Variants in DDC observed in about 807,000 individuals in gnomAD.
DDC encodes aromatic-L-amino-acid decarboxylase.
DDC carries 43 observed loss-of-function variants against 60.0 expected under a neutral mutation model. That is an observed-to-expected ratio of 0.72 (90% CI 0.56 to 0.92). DDC has a LOEUF of 0.92. Ranked by LOEUF, DDC falls within the 40% of genes least tolerant of loss-of-function variation. The pLI is 0.00. For missense variants in DDC, 573 were observed against 620.2 expected (o/e 0.92, Z 0.81); for synonymous variants, 232 against 234.6 (o/e 0.99, Z 0.10).
intron 7 of DDC, among the ~76,000 whole-genome samples, chr7:50,499,674 G>A (rs994401982): frequency 3.3e-5 from 5 of 152,066 alleles, no homozygotes; most frequent in African/African-American, 1.2e-4. Context: ...CACAGTCCAC[G>A]CTGACCTCTA....
At chr7:50,470,798 C>T (rs760173700) in intron 11 of DDC, among the ~76,000 whole-genome samples, 7 of 152,192 alleles carry the variant, frequency 4.6e-5, no homozygotes, top group African/African-American at 1.2e-4. Flanking sequence ...GTCAGTTGAC[C>T]GGCCCCCACA....
intron 6 of DDC, among the ~76,000 whole-genome samples, chr7:50,505,365 T>C (rs922651753): frequency 1.3e-5 from 2 of 152,246 alleles, no homozygotes; most frequent in Non-Finnish European, 2.9e-5. Flanking sequence ...TCATGCAGTC[T>C]AGATAATGAA....
chr7:50,520,021 T>C (rs2043848882), intron 6 of DDC, among the ~76,000 whole-genome samples: 1 of 152,192 alleles, frequency 6.6e-6, no homozygotes. Context: ...TTTTCACAGT[T>C]ACTATATTAT....
At chr7:50,539,579 T>C (rs774291415) in intron 3 of DDC, among the ~76,000 whole-genome samples, 6 of 152,158 alleles carry the variant, frequency 3.9e-5, no homozygotes, top group Non-Finnish European at 8.8e-5. Flanking sequence ...TTGGAGGATA[T>C]AGAAATTCTC....
chr7:50,465,761 A>G (rs2042381111), intron 13 of DDC, among the ~76,000 whole-genome samples: 2 of 152,272 alleles, frequency 1.3e-5, no homozygotes, highest in Admixed American at 1.3e-4. Flanking sequence ...GAAAACTGTC[A>G]ACAAAAACAA....
chr7:50,555,588 T>C (rs114434158), intron 1 of DDC, among the ~76,000 whole-genome samples: 1,846 of 152,242 alleles, frequency 0.012, 36 homozygotes, highest in African/African-American at 0.042. Context: ...GTACCACTAT[T>C]TTTATGTAAA....
rs779601267 is a variant in DDC at position 50,467,332 on chromosome 7, G to A, written c.1141-17C>T. The A allele has an allele frequency of 6.2e-6, 10 of 1,608,198 alleles. No individual in the cohort carries two copies. The highest frequency in any genetic ancestry group is 6.8e-6 in the Non-Finnish European group (8 of 1,174,632). On this transcript the variant is annotated splice_polypyrimidine_tract_variant and intron_variant, in intron 12 of 14. Transcript: ENST00000444124. ...CTGGACATGCTTCAAAGAGGAAAGG[G>A]AAAATCTGTTTTTCTCATGGCCATT...
At chr7:50,472,406 T>C (rs1452504109) in intron 11 of DDC, among the ~76,000 whole-genome samples, 2 of 152,252 alleles carry the variant, frequency 1.3e-5, no homozygotes, top group East Asian at 1.9e-4. Context: ...GGACATCAAA[T>C]GATCTATTTC....
intron 12 of DDC, among the ~76,000 whole-genome samples, 194 bp downstream of exon 12, chr7:50,469,879 T>C (rs6979229): frequency 0.012 from 1,855 of 151,212 alleles, 39 homozygotes; most frequent in African/African-American, 0.043. Context: ...CTCAGGAGGC[T>C]AAGGCAGGAG....
intron 9 of DDC, among the ~76,000 whole-genome samples, chr7:50,488,377 C>G (rs1262783444): frequency 6.6e-6 from 1 of 151,428 alleles, no homozygotes; most frequent in African/African-American, 2.4e-5. Context: ...GTTTCTAAAA[C>G]AAGGTAAAAG....
intron 8 of DDC, among the ~76,000 whole-genome samples, chr7:50,498,195 T>C (rs1359164569): frequency 6.6e-6 from 1 of 152,238 alleles, no homozygotes; most frequent in African/African-American, 2.4e-5. Context: ...AGGGAGGATA[T>C]CTAACTCGCC....
At chr7:50,517,825 T>TAA (rs59421951) in intron 6 of DDC, among the ~76,000 whole-genome samples, 10,459 of 75,924 alleles carry the variant, frequency 0.14, 584 homozygotes, top group Admixed American at 0.19. Flanking sequence ...TTATAATAGC[T>TAA]AAAAAAAAAA....
chr7:50,467,382 A>C lies in DDC; in HGVS notation c.1141-67T>G. 3.8e-6 allele frequency: 5 copies of C among 1,331,438 alleles called. No individual in the cohort carries two copies. In the South Asian group the frequency reaches 4.7e-5, roughly 12 times the overall value. 82.5% of individuals were successfully genotyped at this position (1,331,438 alleles called of 1,614,324 possible). On this transcript the variant is annotated intron_variant, in intron 12 of 14. Transcript: ENST00000444124. ...TTAATTCAGAACTTAACTACCTAGA[A>C]AACCTTATTAGACTGCCCATGTATA...
chr7:50,462,765 C>CTTTTTTTTT (rs1554411017), intron 14 of DDC, among the ~76,000 whole-genome samples: 1 of 125,528 alleles, frequency 8.0e-6, no homozygotes, highest in African/African-American at 3.2e-5. Context: ...TTCTCTTCTT[C>CTTTTTTTTT]TTGTTTTTTT....
chr7:50,492,996 T>G, intron 9 of DDC: 1 of 1,598,150 alleles, frequency 6.3e-7, no homozygotes, highest in East Asian at 2.2e-5. Flanking sequence ...TACGCACTGG[T>G]TGTCTGGACC....
intron 1 of DDC, chr7:50,564,247 A>G (rs1359155679): frequency 1.3e-5 from 2 of 152,226 alleles, no homozygotes; most frequent in Non-Finnish European, 2.9e-5. Flanking sequence ...GCATCCAGAT[A>G]AGCACAGGGA....
chr7:50,511,050 T>TACACAC (rs1491491034), intron 6 of DDC, among the ~76,000 whole-genome samples: 5 of 39,008 alleles, frequency 1.3e-4, no homozygotes, highest in Non-Finnish European at 3.4e-4. Flanking sequence ...AGGATATATC[T>TACACAC]ATACACACAC....
At chr7:50,564,823 C>G (rs2045397128) in intron 1 of DDC, among the ~76,000 whole-genome samples, 1 of 152,088 alleles carries the variant, frequency 6.6e-6, no homozygotes, top group South Asian at 2.1e-4. Context: ...CCTGACGGAG[C>G]CTCAGATGTT....
At chr7:50,466,653 C>T (rs1436730597) in intron 13 of DDC, among the ~76,000 whole-genome samples, 1 of 152,160 alleles carries the variant, frequency 6.6e-6, no homozygotes, top group African/African-American at 2.4e-5. Flanking sequence ...ATGGCTTATG[C>T]CCCAACCCGT....
Sources: allele counts gnomAD v4.1 joint callset (sites outside exome capture counted in the v4.1 genomes callset), GRCh38; gene constraint gnomAD v4.1.1; transcripts MANE v1.5; gene names NCBI Gene and HGNC (gene_info 2026-07-23, HGNC 2026-07-21).